The following UPF2 variants were observed in gnomAD, a reference collection of about 807,000 sequenced individuals.
UPF2 encodes regulator of nonsense transcripts 2.
A neutral mutation model predicts 141.4 loss-of-function variants in UPF2; 17 were observed. The ratio of observed to expected loss-of-function variants is 0.12; its 90% CI spans 0.08 to 0.18. The LOEUF (loss-of-function observed/expected upper bound fraction) is 0.18. Ranked by LOEUF, UPF2 falls within the 10% of genes least tolerant of loss-of-function variation. The pLI, the probability that UPF2 is intolerant of heterozygous loss-of-function variation, is 1.00. For missense variants in UPF2, 1,152 were observed against 1,515.9 expected, an observed-to-expected ratio of 0.76 and a Z score of 3.99; for synonymous variants, 540 against 498.0, an observed-to-expected ratio of 1.08 and a Z score of -1.12.
intron 8 of UPF2, among the ~76,000 whole-genome samples, chr10:11,990,949 C>CT (rs1339613514): frequency 6.8e-6 from 1 of 147,760 alleles, no homozygotes; most frequent in Non-Finnish European, 1.5e-5. Context: ...GATCAGGCCA[C>CT]TGCACTTCAG....
chr10:12,015,286 A>C (rs1387154930), intron 3 of UPF2, among the ~76,000 whole-genome samples: 1 of 152,228 alleles, frequency 6.6e-6, no homozygotes, highest in African/African-American at 2.4e-5. Flanking sequence ...CCATCTTCTA[A>C]AAGTTACAGA....
At chr10:12,022,719 C>A (rs902288494) in intron 3 of UPF2, among the ~76,000 whole-genome samples, 1 of 152,098 alleles carries the variant, frequency 6.6e-6, no homozygotes, top group African/African-American at 2.4e-5. Flanking sequence ...AAACAACCTA[C>A]CTGTGAAGCA....
intron 18 of UPF2, among the ~76,000 whole-genome samples, chr10:11,938,842 G>GTTTTTTTTTTGTTTTTTTTTTTTTTTT (rs1249743840): frequency 2.2e-5 from 1 of 45,862 alleles, no homozygotes; most frequent in African/African-American, 7.0e-5. Flanking sequence ...TCTTAAGCAA[G>GTTTTTTTTTTGTTTTTTTTTTTTTTTT]TTTTTTTTTT....
At position 11,999,931 on chromosome 10, in the gene UPF2, C is replaced by T. The variant is rs1833926215; in HGVS notation, c.1733G>A (p.Cys578Tyr). ...VDAFLQQLPN[C>Y]VNRDLIDKAA... ...CTTGTCTATCAGATCTCGGTTGACA[C>T]AGTTGGGTAACTGCTGTAGGAAAGC... The change falls in exon 7 of 22, where the codon TGT becomes TAT. Residue 578 changes from cysteine (C) to tyrosine (Y), a missense_variant. Around this residue, in one of 4 missense-constraint regions of UPF2, gnomAD observed 739 missense variants for 1,032.2 expected, o/e 0.72. Transcript: ENST00000357604. 3 of 1,613,678 alleles carry T rather than the reference C, an allele frequency of 1.9e-6. No individual in the cohort carries two copies. Among genetic ancestry groups the T allele is most frequent in the South Asian group, 1.1e-5 (1 of 91,072 alleles).
intron 9 of UPF2, among the ~76,000 whole-genome samples, chr10:11,971,647 A>G (rs950841851): frequency 4.5e-4 from 68 of 152,372 alleles, no homozygotes; most frequent in African/African-American, 1.6e-3. Flanking sequence ...TTATAGCTCA[A>G]TAATGCCTCT....
chr10:11,943,308 G>T, intron 16 of UPF2, 140 bp from the exon 17 acceptor site: 1 of 722,282 alleles, frequency 1.4e-6, no homozygotes, highest in Non-Finnish European at 2.2e-6. Flanking sequence ...GGTTTCCAAT[G>T]GGAGGGCAAA....
chr10:12,031,187 AAAAC>A (rs1232552057), intron 2 of UPF2, among the ~76,000 whole-genome samples: 25 of 151,402 alleles, frequency 1.7e-4, no homozygotes, highest in African/African-American at 4.6e-4. Context: ...AAAAAAAAAA[AAAAC>A]AAAACAGTTT....
At chr10:11,975,848 T>C (rs1287942047) in intron 9 of UPF2, among the ~76,000 whole-genome samples, 1 of 152,238 alleles carries the variant, frequency 6.6e-6, no homozygotes, top group East Asian at 1.9e-4. Context: ...TCAATTCAAA[T>C]GGCTGTCCAT....
chr10:11,938,960 C>G (rs1048209437), intron 18 of UPF2, among the ~76,000 whole-genome samples: 1 of 143,376 alleles, frequency 7.0e-6, no homozygotes, highest in Non-Finnish European at 1.5e-5. Context: ...GAAACCTCTG[C>G]CTCCTGGGTT....
intron 11 of UPF2, among the ~76,000 whole-genome samples, chr10:11,962,614 G>C (rs937651626): frequency 1.2e-4 from 19 of 152,012 alleles, no homozygotes; most frequent in African/African-American, 4.1e-4. Flanking sequence ...CTCTACCTCG[G>C]GTCTCAGCAG....
intron 6 of UPF2, 104 bp from the exon 7 acceptor site, chr10:12,000,113 T>C: frequency 1.1e-6 from 1 of 933,606 alleles, no homozygotes; most frequent in Non-Finnish European, 1.6e-6. Flanking sequence ...AGACCAATTT[T>C]TGTGCCCAGG....
At chr10:12,043,025 C>G (rs1408054419), upstream of UPF2, 2 of 152,256 alleles carry the variant, frequency 1.3e-5, no homozygotes, top group Non-Finnish European at 1.5e-5. Context: ...TGCGGCATGC[C>G]GATGCCCTCA....
chr10:12,029,855 A>G (rs1010518903), intron 2 of UPF2, among the ~76,000 whole-genome samples: 1 of 151,882 alleles, frequency 6.6e-6, no homozygotes, highest in East Asian at 1.9e-4. Context: ...CCAGCTATTC[A>G]GGAGGCTGAG....
Position 11,920,536 on chromosome 10 carries a change from A to C in UPF2, c.*762T>G, listed in dbSNP as rs564431491. On this transcript the variant is annotated 3_prime_UTR_variant, in exon 22 of 22. Coordinates refer to ENST00000357604, the MANE Select transcript of UPF2 (RefSeq NM_015542.4). ...TTTCAATGATACTTACAATGGGCTC[A>C]CCTAGATCCCTGTTCTTGGGCTGGT... 2 of 156,000 alleles carry C rather than the reference A, an allele frequency of 1.3e-5. No homozygotes were observed. Among genetic ancestry groups the C allele is most frequent in the Non-Finnish European group, 2.8e-5 (2 of 70,248 alleles). 9.7% of individuals were successfully genotyped at this position (156,000 alleles called of 1,614,324 possible).
chr10:11,996,985 G>C (rs73573537), intron 8 of UPF2, among the ~76,000 whole-genome samples: 14 of 152,200 alleles, frequency 9.2e-5, no homozygotes, highest in African/African-American at 3.4e-4. Context: ...CATCTTAATA[G>C]TTAACAAAAT....
chr10:11,974,488 CA>C (rs906300140), intron 9 of UPF2, among the ~76,000 whole-genome samples: 1 of 152,124 alleles, frequency 6.6e-6, no homozygotes, highest in African/African-American at 2.4e-5. Context: ...AGTTTTTGCC[CA>C]TTCAGTATGA....
At chr10:12,039,297 T>C (rs966554954) in intron 1 of UPF2, among the ~76,000 whole-genome samples, 6 of 152,082 alleles carry the variant, frequency 3.9e-5, no homozygotes, top group Admixed American at 3.3e-4. Flanking sequence ...GAGTACCAAA[T>C]TGTGAGATGG....
chr10:11,998,196 G>A lies in UPF2; in HGVS notation c.1759-439C>T, dbSNP rs368452548. Among the ~76,000 whole-genome samples the A allele has an allele frequency of 1.9e-4, 29 of 152,188 alleles. 1 individual carries two copies. Among genetic ancestry groups the A allele is most frequent in the East Asian group, 1.5e-3 (8 of 5,180 alleles). On this transcript the variant is annotated intron_variant, in intron 7 of 21. Coordinates refer to ENST00000357604, the MANE Select transcript of UPF2 (RefSeq NM_015542.4). This position sits in a 1 kb window ranked among gnomAD's most constrained non-coding sequence, Gnocchi z 4.5. Reference sequence around the variant, plus strand: ...AAGAAAACTGGAAAGCCTGATAAGCGGCCTCAGTGAAGGTCTCTCTGACCA... The same window carrying A: ...AAGAAAACTGGAAAGCCTGATAAGCAGCCTCAGTGAAGGTCTCTCTGACCA...
chr10:11,989,698 G>A (rs993809813), intron 8 of UPF2, among the ~76,000 whole-genome samples: 8 of 152,144 alleles, frequency 5.3e-5, no homozygotes, highest in African/African-American at 1.9e-4. Context: ...TTTTCTAAAT[G>A]CTCTTGTTGT....
Sources: gnomAD v4.1 joint callset for allele counts (sites outside exome capture counted in the v4.1 genomes callset) on GRCh38, gnomAD v4.1.1 for gene constraint, gnomAD v4.1.1 regional missense constraint, Gnocchi (gnomAD v3.1) non-coding constraint, MANE v1.5 for transcripts, NCBI Gene and HGNC (gene_info 2026-07-23, HGNC 2026-07-21) for gene names.